Variants in LPIN1 observed in about 807,000 individuals in gnomAD.
The protein encoded by LPIN1 is phosphatidate phosphatase LPIN1.
A neutral mutation model predicts 107.5 loss-of-function variants in LPIN1; 71 were observed. The ratio of observed to expected loss-of-function variants is 0.66; its 90% CI spans 0.55 to 0.80. The LOEUF is 0.80. Among genes scored for constraint, LPIN1 ranks in the 30% least tolerant of loss-of-function variants. The pLI, the probability that LPIN1 is intolerant of heterozygous loss-of-function variation, is 0.00. For missense variants in LPIN1, 1,043 were observed against 1,160.6 expected (o/e 0.90, Z 1.47); for synonymous variants, 445 against 452.6 (o/e 0.98, Z 0.21).
At chr2:11,722,262 G>A (rs1664203323), upstream of LPIN1, 1 of 152,212 alleles carries the variant, frequency 6.6e-6, no homozygotes, top group African/African-American at 2.4e-5. Flanking sequence ...CCTAGCCTTT[G>A]AGATTACAGA....
At chr2:11,693,479 A>T (rs1048962460) in intron 1 of LPIN1, among the ~76,000 whole-genome samples, 2 of 152,038 alleles carry the variant, frequency 1.3e-5, no homozygotes, top group African/African-American at 2.4e-5. Flanking sequence ...GGACCTGCTG[A>T]ATCAGAATCT....
intron 1 of LPIN1, among the ~76,000 whole-genome samples, chr2:11,679,684 C>A (rs1006817584): frequency 3.3e-5 from 5 of 152,268 alleles, no homozygotes; most frequent in African/African-American, 1.2e-4. Context: ...CAGCAGGCCC[C>A]TTGGCTGATC....
intron 2 of LPIN1, 67 bp from the exon 3 acceptor site, chr2:11,767,696 G>T (rs773917233): frequency 3.1e-6 from 3 of 983,314 alleles, no homozygotes; most frequent in Non-Finnish European, 5.0e-6. Context: ...AGACTTGGCC[G>T]TCCCCATGAG....
At chr2:11,706,346 A>T (rs1014605960) in intron 1 of LPIN1, among the ~76,000 whole-genome samples, 1 of 152,218 alleles carries the variant, frequency 6.6e-6, no homozygotes, top group Non-Finnish European at 1.5e-5. Flanking sequence ...AAGATGCCCC[A>T]TCCTCATCCT....
At chr2:11,686,993 C>CTTTTTTTTTTTTTTT (rs141927239) in intron 1 of LPIN1, among the ~76,000 whole-genome samples, 1 of 85,088 alleles carries the variant, frequency 1.2e-5, no homozygotes, top group African/African-American at 5.1e-5. Context: ...GCTTTTGATC[C>CTTTTTTTTTTTTTTT]TTTTTTTTTT....
At chr2:11,818,867 A>T (rs1681043850) in intron 18 of LPIN1, 1 of 152,156 alleles carries the variant, frequency 6.6e-6, no homozygotes, top group Admixed American at 6.5e-5. Flanking sequence ...ATTTTAAAAA[A>T]TGAATTTTAA....
chr2:11,693,806 ATATATATATATATATATTTTTTTT>A (rs1662409254), intron 1 of LPIN1, among the ~76,000 whole-genome samples: 1 of 24,300 alleles, frequency 4.1e-5, no homozygotes, highest in South Asian at 2.6e-3. Flanking sequence ...ATATATATAT[ATATATATATATATATATTTTTTTT>A]TTTTTTTTTT....
intron 12 of LPIN1, among the ~76,000 whole-genome samples, chr2:11,789,047 A>T (rs1428703831): frequency 2.0e-5 from 3 of 152,144 alleles, no homozygotes; most frequent in Non-Finnish European, 4.4e-5. Flanking sequence ...AATTCACTAG[A>T]CAGTCAGCCT....
At chr2:11,782,114 C>G in intron 7 of LPIN1, 87 bp from the exon 8 acceptor site, 1 of 1,009,788 alleles carries the variant, frequency 9.9e-7, no homozygotes, top group Non-Finnish European at 1.6e-6. Flanking sequence ...CTTTTGATTA[C>G]TTGTTCTCCT....
chr2:11,731,313 T>A (rs746966015), intron 1 of LPIN1, among the ~76,000 whole-genome samples: 6 of 152,086 alleles, frequency 3.9e-5, no homozygotes, highest in Non-Finnish European at 7.3e-5. Flanking sequence ...CACTTATGAG[T>A]GAGAACATGC....
At chr2:11,714,703 T>A (rs1291344955) in intron 2 of LPIN1, among the ~76,000 whole-genome samples, 3 of 152,162 alleles carry the variant, frequency 2.0e-5, no homozygotes, top group Non-Finnish European at 4.4e-5. Context: ...GGCTGTGGAA[T>A]GATCCAGGGT....
intron 3 of LPIN1, among the ~76,000 whole-genome samples, chr2:11,770,966 C>T (rs139515134): frequency 4.2e-4 from 63 of 150,550 alleles, no homozygotes; most frequent in Non-Finnish European, 8.5e-4. Context: ...CTCACACCCA[C>T]CCATGCACAC....
rs541975411 is a variant in LPIN1 at position 11,749,607 on chromosome 2, A to T, written c.-10+2936A>T. On this transcript the variant is annotated intron_variant, in intron 1 of 20. Transcript: ENST00000674199. ...GAAAGCTCTGGGTCTGGGCTGACCC[A>T]GACCCAGGCTGACACTTTTCACAAT... is the stretch of plus-strand genomic sequence containing the variant. Among the ~76,000 whole-genome samples, 7 of 152,322 alleles carry T rather than the reference A, an allele frequency of 4.6e-5. No individual in the cohort carries two copies. In the East Asian group the frequency reaches 1.4e-3, roughly 29 times the overall value.
At chr2:11,689,795 C>T (rs1435207587) in intron 1 of LPIN1, among the ~76,000 whole-genome samples, 4 of 151,690 alleles carry the variant, frequency 2.6e-5, no homozygotes, top group Non-Finnish European at 4.4e-5. Flanking sequence ...TTCCCAGCTA[C>T]TTGGGAGGCT....
At chr2:11,747,811 G>A (rs559171635) in intron 1 of LPIN1, among the ~76,000 whole-genome samples, 7 of 152,198 alleles carry the variant, frequency 4.6e-5, no homozygotes, top group South Asian at 2.1e-4. Context: ...AGCACTTCAC[G>A]TTTGCCAGCA....
chr2:11,807,071 C>T (rs900214132), intron 17 of LPIN1, among the ~76,000 whole-genome samples: 2 of 152,072 alleles, frequency 1.3e-5, no homozygotes, highest in South Asian at 4.1e-4. Flanking sequence ...ATGCAGTAAG[C>T]GTTCATAGAC....
At chr2:11,796,570 C>T (rs551185054) in intron 14 of LPIN1, among the ~76,000 whole-genome samples, 115 of 152,286 alleles carry the variant, frequency 7.6e-4, no homozygotes, top group African/African-American at 2.6e-3. Flanking sequence ...GGCTCGCTCT[C>T]GCCTGGGATG....
At chr2:11,721,279 T>TGTGTGTGG, upstream of LPIN1, among the ~76,000 whole-genome samples, 1 of 150,800 alleles carries the variant, frequency 6.6e-6, no homozygotes, top group Non-Finnish European at 1.5e-5. Flanking sequence ...TGTGTGTGTG[T>TGTGTGTGG]GTGTGTGTGT....
At chr2:11,823,066 A>G (rs899578682) in intron 20 of LPIN1, 5 of 152,224 alleles carry the variant, frequency 3.3e-5, no homozygotes, top group African/African-American at 9.6e-5. Context: ...TTCTGAGCCA[A>G]GTAGATGCTT....
Sources: gnomAD v4.1 joint callset for allele counts (sites outside exome capture counted in the v4.1 genomes callset) on GRCh38, gnomAD v4.1.1 for gene constraint, MANE v1.5 for transcripts, NCBI Gene and HGNC (gene_info 2026-07-23, HGNC 2026-07-21) for gene names.